Variants in CDK9 observed in about 807,000 individuals in gnomAD.
The protein encoded by CDK9 is cyclin-dependent kinase 9.
In CDK9, 34 loss-of-function variants were observed where a neutral mutation model predicts 39.0. The observed-to-expected ratio is 0.87, with a 90% CI of 0.66 to 1.16. CDK9 has a LOEUF of 1.16. Ranked by LOEUF, CDK9 falls within the 50% of genes most tolerant of loss-of-function variation. The probability of loss-of-function intolerance (pLI) is 0.00; values close to 1 mark genes in which losing one functional copy is unlikely to be tolerated. For synonymous variants in CDK9, 233 were observed against 196.2 expected, an observed-to-expected ratio of 1.19 and a Z score of -1.57; for missense variants, 369 against 503.2, an observed-to-expected ratio of 0.73 and a Z score of 2.55.
chr9:127,788,441 T>C, intron 5 of CDK9, 56 bp downstream of exon 5: 1 of 1,563,880 alleles, frequency 6.4e-7, no homozygotes. Flanking sequence ...ACCTGGCCCC[T>C]TCCCCCCAAC....
intron 5 of CDK9, 42 bp from the exon 6 acceptor site, chr9:127,788,502 C>T (rs1829370955): frequency 6.5e-7 from 1 of 1,532,588 alleles, no homozygotes; most frequent in Non-Finnish European, 8.8e-7. Flanking sequence ...CTCAGGAGGC[C>T]CTCGGGCTCA....
Position 127,787,961 on chromosome 9 carries a change from C to T in CDK9, c.280C>T (p.Arg94Cys), listed in dbSNP as rs751056570. The T allele has an allele frequency of 3.7e-6, 6 of 1,614,168 alleles. No homozygotes were observed. The highest frequency in any genetic ancestry group is 1.7e-5 in the Admixed American group (1 of 60,028). The change falls in exon 4 of 7, where the codon CGC becomes TGC. Residue 94 changes from arginine to cysteine, a missense_variant. Physicochemically the swap from Arg to Cys is radical, Grantham distance 180. Transcript: ENST00000373264. The part of the protein sequence containing the change: ...ICRTKASPYN[R>C]CKGSIYLVFD... ...TCCTGCCTCAGCTTCCCCCTATAAC[C>T]GCTGCAAGGGTAGTATATACCTGGT...
rs1829362269 is a variant in CDK9 at position 127,788,032 on chromosome 9, T to G, written c.351T>G (p.Val117=). 1 of 1,614,186 alleles carries G rather than the reference T, an allele frequency of 6.2e-7. No homozygotes were observed. The highest frequency in any genetic ancestry group is 8.5e-7 in the Non-Finnish European group (1 of 1,180,028). The part of the protein sequence containing the change: ...EHDLAGLLSN[V]LVKFTLSEIK... ...ACCTTGCTGGGCTGTTGAGCAATGT[T>G]TTGGTCAAGTTCACGCTGTCTGAGA... Residue 117 remains valine (V), a synonymous_variant, in exon 4 of 7, where the codon GTT becomes GTG. Coordinates refer to ENST00000373264, the MANE Select transcript of CDK9 (RefSeq NM_001261.4).
At position 127,787,944 on chromosome 9, in the gene CDK9, C is replaced by T. The variant is rs192958171; in HGVS notation, c.266-3C>T. The T allele has an allele frequency of 3.2e-5, 52 of 1,613,896 alleles. No individual in the cohort carries two copies. The South Asian group carries it at 3.5e-4, about 11-fold the overall frequency. On this transcript the variant is annotated splice_region_variant and splice_polypyrimidine_tract_variant and intron_variant, in intron 3 of 6. Transcript: ENST00000373264. ...CTTTTTCTTCTTTCTATTCCTGCCTCAGCTTCCCCCTATAACCGCTGCAAG... is the reference window on the plus strand; with the variant it reads ...CTTTTTCTTCTTTCTATTCCTGCCTTAGCTTCCCCCTATAACCGCTGCAAG...
In CDK9 at chr9:127,786,172, G is replaced by A. The variant is rs940049375; in HGVS notation, c.24G>A (p.Val8=). Residue 8 remains valine, a synonymous_variant, in exon 1 of 7, where the codon GTG becomes GTA. Transcript: ENST00000373264. ...CCATGGCAAAGCAGTACGACTCGGT[G>A]GAGTGCCCTTTTTGTGATGAAGTTT... MAKQYDS[V]ECPFCDEVSK... The A allele has an allele frequency of 6.2e-7, 1 of 1,609,492 alleles. No individual in the cohort carries two copies. Among genetic ancestry groups the A allele is most frequent in the Non-Finnish European group, 8.5e-7 (1 of 1,178,400 alleles).
Position 127,786,220 on chromosome 9 carries a change from G to A in CDK9, c.72G>A (p.Lys24=), listed in dbSNP as rs370750864. 4.4e-6 allele frequency: 7 copies of A among 1,608,980 alleles called. 2 individuals carry two copies. Among genetic ancestry groups the A allele is most frequent in the South Asian group, 2.2e-5 (2 of 90,742 alleles). The change falls in exon 1 of 7, where the codon AAG becomes AAA. Residue 24 remains lysine, a synonymous_variant. Coordinates refer to ENST00000373264, the MANE Select transcript of CDK9 (RefSeq NM_001261.4). ...DEVSKYEKLA[K]IGQGTFGEVF... ...TTTCCAAATACGAGAAGCTCGCCAAGATCGGCCAAGGCACCTTCGGGTAAG... is the reference window on the plus strand; with the variant it reads ...TTTCCAAATACGAGAAGCTCGCCAAAATCGGCCAAGGCACCTTCGGGTAAG...
Position 127,786,099 on chromosome 9 carries a change from G to GAGCGGCGGCAGC in CDK9, c.-45_-34dup. 1.4e-6 allele frequency: 2 copies of GAGCGGCGGCAGC among 1,441,934 alleles called. No individual in the cohort carries two copies. Among genetic ancestry groups the GAGCGGCGGCAGC allele is most frequent in the South Asian group, 1.2e-5 (1 of 85,292 alleles). The allele number at this position is 1,441,934 out of a possible 1,614,324, so 89.3% of individuals were successfully genotyped here. A position where few individuals can be genotyped will look rare whatever the true frequency, so the allele number is the denominator to read the frequency against. Reference sequence around the variant, plus strand: ...GCGGCGGCGGCGGGACCCGGAGCAGGAGCGGCGGCAGCAGCGACTGGGGGC... The same window carrying GAGCGGCGGCAGC: ...GCGGCGGCGGCGGGACCCGGAGCAGGAGCGGCGGCAGCAGCGGCGGCAGCAGCGACTGGGGGC... On this transcript the variant is annotated 5_prime_UTR_variant, in exon 1 of 7. Coordinates refer to ENST00000373264, the MANE Select transcript of CDK9 (RefSeq NM_001261.4).
rs951157657 is a variant in CDK9, at chr9:127,789,660, C to T, written c.*117C>T. The T allele has an allele frequency of 8.1e-6, 11 of 1,359,702 alleles. No individual in the cohort carries two copies. Among genetic ancestry groups the T allele is most frequent in the Non-Finnish European group, 1.1e-5 (11 of 1,015,212 alleles). The allele number at this position is 1,359,702 out of a possible 1,614,324, so 84.2% of individuals were successfully genotyped here. On this transcript the variant is annotated 3_prime_UTR_variant, in exon 7 of 7. Transcript: ENST00000373264. This position sits in a 1 kb window ranked among gnomAD's most constrained non-coding sequence, Gnocchi z 5.2. ...CATGCATATTTTATTTAATCCCCAC[C>T]CTGGGCTCTGGGAGCAGCCCGCTGA...
chr9:127,787,402 C>T (rs951834503), intron 2 of CDK9, 116 bp from the exon 3 acceptor site: 30 of 650,308 alleles, frequency 4.6e-5, no homozygotes, highest in Non-Finnish European at 7.3e-5. Context: ...TCTGAGACAG[C>T]TGGTTTCAGA....
In CDK9 at chr9:127,789,575, T is replaced by A. The variant is rs1309591690; in HGVS notation, c.*32T>A. ...GCGCTTGCCACTAGGGCTCTTGTGT[T>A]TTTTTTCTTCTGCTATGTGACTTGC... On this transcript the variant is annotated 3_prime_UTR_variant, in exon 7 of 7. Coordinates refer to ENST00000373264, the MANE Select transcript of CDK9 (RefSeq NM_001261.4). This position sits in a 1 kb window ranked among gnomAD's most constrained non-coding sequence, Gnocchi z 5.2. The A allele has an allele frequency of 6.3e-7, 1 of 1,598,524 alleles. No homozygotes were observed. Among genetic ancestry groups the A allele is most frequent in the Middle Eastern group, 1.7e-4 (1 of 5,988 alleles).
Position 127,788,358 on chromosome 9 carries a change from T to C in CDK9, c.577T>C (p.Trp193Arg), listed in dbSNP as rs148342102. ...NRYTNRVVTL[W>R]YRPPELLLGE... ...CTACACCAACCGTGTGGTGACACTC[T>C]GGTACCGGCCCCCGGAGCTGTTGCT... The change falls in exon 5 of 7, where the codon TGG (tryptophan) becomes CGG (arginine). Residue 193 changes from tryptophan to arginine, a missense_variant. By Grantham distance (101) the Trp-to-Arg change is moderately radical. Coordinates refer to ENST00000373264, the MANE Select transcript of CDK9 (RefSeq NM_001261.4). 1.9e-6 allele frequency: 3 copies of C among 1,612,698 alleles called. No individual in the cohort carries two copies. In the Admixed American group the frequency reaches 5.0e-5, roughly 27 times the overall value.
intron 2 of CDK9, 50 bp downstream of exon 2, chr9:127,786,832 C>A (rs1192502703): frequency 6.4e-7 from 1 of 1,554,124 alleles, no homozygotes; most frequent in Non-Finnish European, 8.8e-7. Context: ...CCCGGGACCC[C>A]GGGTCGGTTT....
At chr9:127,787,337 C>G (rs1829345579) in intron 2 of CDK9, among the ~76,000 whole-genome samples, 181 bp from the exon 3 acceptor site, 1 of 152,200 alleles carries the variant, frequency 6.6e-6, no homozygotes, top group South Asian at 2.1e-4. Context: ...TTTGTTGTCT[C>G]AAACCATCAT....
chr9:127,788,911 C>G (rs933465934), intron 6 of CDK9, among the ~76,000 whole-genome samples: 2 of 152,152 alleles, frequency 1.3e-5, no homozygotes, highest in Non-Finnish European at 2.9e-5. Flanking sequence ...GGCAGAACAT[C>G]TGAGTCAGCG....
rs1201130294 is a variant in CDK9 at position 127,788,033 on chromosome 9, T to C, written c.352T>C (p.Leu118=). The part of the protein sequence containing the change: ...HDLAGLLSNV[L]VKFTLSEIKR... ...CCTTGCTGGGCTGTTGAGCAATGTT[T>C]TGGTCAAGTTCACGCTGTCTGAGAT... The change falls in exon 4 of 7, where the codon TTG becomes CTG. Residue 118 remains leucine (L), a synonymous_variant. Transcript: ENST00000373264. 5.6e-6 allele frequency: 9 copies of C among 1,614,106 alleles called. No individual in the cohort carries two copies. Among genetic ancestry groups the C allele is most frequent in the Non-Finnish European group, 7.6e-6 (9 of 1,180,046 alleles).
intron 1 of CDK9, 65 bp from the exon 2 acceptor site, chr9:127,786,636 T>G (rs2131827042): frequency 8.9e-6 from 12 of 1,349,394 alleles, no homozygotes; most frequent in Non-Finnish European, 1.1e-5. Flanking sequence ...CCTCCTGTAG[T>G]GGGGGAGGGG....
At chr9:127,788,806 A>G in intron 6 of CDK9, 114 bp downstream of exon 6, 1 of 1,131,278 alleles carries the variant, frequency 8.8e-7, no homozygotes, top group Non-Finnish European at 1.2e-6. Flanking sequence ...GTTTGGTGAC[A>G]GGGCCTGTCT....
Position 127,786,112 on chromosome 9 carries a change from A to T in CDK9, c.-37A>T. On this transcript the variant is annotated 5_prime_UTR_variant, in exon 1 of 7. Coordinates refer to ENST00000373264, the MANE Select transcript of CDK9 (RefSeq NM_001261.4). ...GACCCGGAGCAGGAGCGGCGGCAGC[A>T]GCGACTGGGGGCGGCGGCGGCGCGT... The T allele has an allele frequency of 6.6e-7, 1 of 1,521,852 alleles. No individual in the cohort carries two copies. The highest frequency in any genetic ancestry group is 2.5e-5 in the East Asian group (1 of 40,776). 94.3% of individuals were successfully genotyped at this position (1,521,852 alleles called of 1,614,324 possible).
chr9:127,788,355 C>T lies in CDK9; in HGVS notation c.574C>T (p.Leu192Phe), dbSNP rs757281821. 1 of 1,612,920 alleles carries T rather than the reference C, an allele frequency of 6.2e-7. No individual in the cohort carries two copies. The highest frequency in any genetic ancestry group is 1.1e-5 in the South Asian group (1 of 91,066). ...PNRYTNRVVT[L>F]WYRPPELLLG... ...CCGCTACACCAACCGTGTGGTGACACTCTGGTACCGGCCCCCGGAGCTGTT... is the reference window on the plus strand; with the variant it reads ...CCGCTACACCAACCGTGTGGTGACATTCTGGTACCGGCCCCCGGAGCTGTT... Residue 192 changes from leucine to phenylalanine, a missense_variant, in exon 5 of 7, where the codon CTC becomes TTC. Physicochemically the swap from Leu to Phe is conservative, Grantham distance 22 (BLOSUM62 0). Transcript: ENST00000373264.
Sources: gnomAD v4.1 joint callset for allele counts (sites outside exome capture counted in the v4.1 genomes callset) on GRCh38, gnomAD v4.1.1 for gene constraint, Gnocchi (gnomAD v3.1) non-coding constraint, MANE v1.5 for transcripts, NCBI Gene and HGNC (gene_info 2026-07-23, HGNC 2026-07-21) for gene names.